Variants in UNC13C observed in about 807,000 individuals in gnomAD.
UNC13C encodes the protein unc-13 homolog C, also known as protein unc-13 homolog C.
Under a neutral mutation model 245.4 loss-of-function variants are expected in UNC13C, and 174 were observed. The observed-to-expected ratio is 0.71, with a 90% CI of 0.63 to 0.80. The LOEUF is 0.80. Ranked by LOEUF, UNC13C falls within the 30% of genes least tolerant of loss-of-function variation. UNC13C has a pLI of 0.00. For synonymous variants in UNC13C, 992 were observed against 895.1 expected (o/e 1.11, Z -1.93); for missense variants, 2,829 against 2,602.9 (o/e 1.09, Z -1.89).
intron 4 of UNC13C, among the ~76,000 whole-genome samples, chr15:54,229,720 A>G (rs773346537): frequency 5.8e-4 from 88 of 152,034 alleles, no homozygotes; most frequent in Non-Finnish European, 8.7e-4. Flanking sequence ...TAGATCTCTT[A>G]AACTCATTCC....
chr15:54,364,776 A>C (rs1349682584), intron 17 of UNC13C, among the ~76,000 whole-genome samples: 1 of 152,188 alleles, frequency 6.6e-6, no homozygotes, highest in Non-Finnish European at 1.5e-5. Flanking sequence ...ATTTGTGTCT[A>C]GATGGTGCCG....
At chr15:54,194,371 A>G (rs1322147211) in intron 4 of UNC13C, among the ~76,000 whole-genome samples, 2 of 152,146 alleles carry the variant, frequency 1.3e-5, no homozygotes, top group African/African-American at 4.8e-5. Flanking sequence ...TAACAATAAC[A>G]TCCTCCGTTT....
chr15:54,222,149 T>A (rs35087918), intron 4 of UNC13C, among the ~76,000 whole-genome samples: 2 of 151,908 alleles, frequency 1.3e-5, no homozygotes, highest in Admixed American at 1.3e-4. Flanking sequence ...GTACAATAAA[T>A]TATTGTTGAC....
intron 1 of UNC13C, among the ~76,000 whole-genome samples, chr15:53,991,490 C>G (rs901330395): frequency 6.6e-6 from 1 of 152,000 alleles, no homozygotes; most frequent in Admixed American, 6.6e-5. Context: ...AGGTGCTCAA[C>G]CTTTGTCTCA....
At chr15:54,098,179 T>C (rs1358859346) in intron 2 of UNC13C, among the ~76,000 whole-genome samples, 1 of 152,062 alleles carries the variant, frequency 6.6e-6, no homozygotes, top group Non-Finnish European at 1.5e-5. Flanking sequence ...TTTTATTTTA[T>C]TTTATTTTAT....
At chr15:53,954,174 C>T in the UNC13C span, among the ~76,000 whole-genome samples, 1 of 152,212 alleles carries the variant, frequency 6.6e-6, no homozygotes, top group African/African-American at 2.4e-5. Flanking sequence ...TCATTTAACA[C>T]AATCTGTTGG....
chr15:54,165,522 T>G (rs1003211090), intron 4 of UNC13C, among the ~76,000 whole-genome samples: 2 of 152,124 alleles, frequency 1.3e-5, no homozygotes, highest in African/African-American at 4.8e-5. Flanking sequence ...AGGTTCTGAT[T>G]CCAGCCCTGT....
chr15:54,252,859 G>A (rs895591192), intron 8 of UNC13C, among the ~76,000 whole-genome samples: 6 of 152,012 alleles, frequency 3.9e-5, no homozygotes, highest in African/African-American at 1.2e-4. Context: ...TTCAACCCTT[G>A]GTAGGCAGTT....
the UNC13C span, among the ~76,000 whole-genome samples, chr15:53,854,765 C>G: frequency 6.6e-6 from 1 of 152,044 alleles, no homozygotes. Context: ...TTAGGATTGT[C>G]TTGGCTATTT....
At chr15:53,933,327 TAAAG>T in the UNC13C span, among the ~76,000 whole-genome samples, 1 of 151,950 alleles carries the variant, frequency 6.6e-6, no homozygotes, top group African/African-American at 2.4e-5. Flanking sequence ...ACCTCTTCAA[TAAAG>T]AAAAAACATC....
At chr15:54,582,272 T>C (rs1395457617) in intron 30 of UNC13C, among the ~76,000 whole-genome samples, 1 of 151,876 alleles carries the variant, frequency 6.6e-6, no homozygotes, top group Non-Finnish European at 1.5e-5. Context: ...ATTAGGTAAC[T>C]TGTAGATCTG....
At chr15:54,036,276 G>A (rs771653225) in intron 2 of UNC13C, among the ~76,000 whole-genome samples, 4 of 152,150 alleles carry the variant, frequency 2.6e-5, no homozygotes, top group African/African-American at 4.8e-5. Flanking sequence ...CTTGAGGTGC[G>A]ACTGACACTA....
the UNC13C span, among the ~76,000 whole-genome samples, chr15:53,852,395 A>G: frequency 0.014 from 2,169 of 152,262 alleles, 29 homozygotes; most frequent in Non-Finnish European, 0.023. Context: ...AGAATTTTTC[A>G]ACTACGGTTT....
chr15:53,999,372 G>C, intron 1 of UNC13C, among the ~76,000 whole-genome samples: 1 of 151,874 alleles, frequency 6.6e-6, no homozygotes, highest in South Asian at 2.1e-4. Flanking sequence ...TGGTTTTGAA[G>C]GAATTGATAT....
At chr15:53,999,903 T>C (rs1894808177) in intron 1 of UNC13C, among the ~76,000 whole-genome samples, 1 of 152,080 alleles carries the variant, frequency 6.6e-6, no homozygotes, top group South Asian at 2.1e-4. Context: ...GGTCACGATA[T>C]ATGCTCTGTA....
At chr15:54,541,892 A>T (rs1896262975) in intron 26 of UNC13C, among the ~76,000 whole-genome samples, 1 of 152,076 alleles carries the variant, frequency 6.6e-6, no homozygotes, top group Non-Finnish European at 1.5e-5. Flanking sequence ...ATGTTGGTCC[A>T]GTGCCCAGTA....
At chr15:54,151,377 A>G (rs575502151) in intron 4 of UNC13C, among the ~76,000 whole-genome samples, 71 of 152,242 alleles carry the variant, frequency 4.7e-4, no homozygotes, top group African/African-American at 1.6e-3. Context: ...AGAACCTCCA[A>G]TTTTACTCAT....
At chr15:54,620,844 C>A (rs888320557) in intron 30 of UNC13C, among the ~76,000 whole-genome samples, 6 of 151,132 alleles carry the variant, frequency 4.0e-5, no homozygotes, top group African/African-American at 1.5e-4. Context: ...TTCAGTAGTA[C>A]AAAGAGTAAA....
At chr15:54,456,675 A>T (rs1379024748) in intron 19 of UNC13C, among the ~76,000 whole-genome samples, 1 of 151,010 alleles carries the variant, frequency 6.6e-6, no homozygotes, top group Non-Finnish European at 1.5e-5. Flanking sequence ...TTTGATTCTC[A>T]TCTTGGTCAC....
Sources: gnomAD v4.1 joint callset for allele counts (sites outside exome capture counted in the v4.1 genomes callset) on GRCh38, gnomAD v4.1.1 for gene constraint, MANE v1.5 for transcripts, NCBI Gene and HGNC (gene_info 2026-07-23, HGNC 2026-07-21) for gene names.